PKIG: variants seen among roughly 807,000 people sequenced by gnomAD.
The protein encoded by PKIG is protein kinase (cAMP-dependent, catalytic) inhibitor gamma.
PKIG carries 1 observed loss-of-function variant against 6.8 expected under a neutral mutation model. That is an observed-to-expected ratio of 0.15 (90% CI 0.05 to 0.69). The LOEUF is 0.69. Among genes scored for constraint, PKIG ranks in the 30% least tolerant of loss-of-function variants. The probability of loss-of-function intolerance (pLI) is 0.82; values close to 1 mark genes in which losing one functional copy is unlikely to be tolerated. For missense variants in PKIG, 77 were observed against 104.0 expected (o/e 0.74, Z 1.13); for synonymous variants, 39 against 43.0 (o/e 0.91, Z 0.36).
intron 1 of PKIG, among the ~76,000 whole-genome samples, chr20:44,557,109 T>A (rs909362587): frequency 6.6e-6 from 1 of 152,228 alleles, no homozygotes; most frequent in Non-Finnish European, 1.5e-5. Flanking sequence ...TTTCAGTGTA[T>A]TTAGAGTAAT....
At chr20:44,586,578 C>G (rs2064991863) in intron 1 of PKIG, among the ~76,000 whole-genome samples, 1 of 152,214 alleles carries the variant, frequency 6.6e-6, no homozygotes, top group Non-Finnish European at 1.5e-5. Context: ...AAGGAAGAAG[C>G]TGGTAACAGG....
intron 1 of PKIG, among the ~76,000 whole-genome samples, chr20:44,558,590 C>CT (rs980001216): frequency 6.7e-6 from 1 of 148,916 alleles, no homozygotes; most frequent in Non-Finnish European, 1.5e-5. Context: ...TTCTTTCTTT[C>CT]TTTCTTTCTT....
At chr20:44,609,081 G>C (rs538881926) in intron 2 of PKIG, among the ~76,000 whole-genome samples, 63 of 152,302 alleles carry the variant, frequency 4.1e-4, no homozygotes, top group African/African-American at 1.5e-3. Flanking sequence ...AAAGATGAGA[G>C]GGTGAGTGAC....
At chr20:44,599,180 G>A (rs2123419292) in intron 2 of PKIG, among the ~76,000 whole-genome samples, 1 of 152,204 alleles carries the variant, frequency 6.6e-6, no homozygotes, top group South Asian at 2.1e-4. Flanking sequence ...GGGGGCAGGG[G>A]AAAAAGAAGG....
In PKIG at chr20:44,608,102, G is replaced by A. The variant is rs538607976; in HGVS notation, c.-23-6432G>A. On this transcript the variant is annotated intron_variant, in intron 2 of 3. Coordinates refer to ENST00000372886, the MANE Select transcript of PKIG (RefSeq NM_001281445.2). ...GGACACCAAAACGTGCTTGCCTTGGGGAGGGTGTCTGGATCGGATGGGAAG... is the reference window on the plus strand; with the variant it reads ...GGACACCAAAACGTGCTTGCCTTGGAGAGGGTGTCTGGATCGGATGGGAAG... 9.8e-5 allele frequency among the ~76,000 whole-genome samples: 15 copies of A among 152,302 alleles called. No individual in the cohort carries two copies. The South Asian group carries it at 3.1e-3, about 32-fold the overall frequency.
chr20:44,601,244 C>T (rs2123427373), intron 2 of PKIG, among the ~76,000 whole-genome samples: 2 of 152,356 alleles, frequency 1.3e-5, no homozygotes, highest in Middle Eastern at 6.8e-3. Flanking sequence ...GCATCCAGGC[C>T]TGCTTGGGTC....
At chr20:44,609,718 C>CT (rs2065196736) in intron 2 of PKIG, among the ~76,000 whole-genome samples, 1 of 152,186 alleles carries the variant, frequency 6.6e-6, no homozygotes, top group East Asian at 1.9e-4. Flanking sequence ...AGCTGACAGT[C>CT]TAACTGAGGA....
intron 2 of PKIG, among the ~76,000 whole-genome samples, chr20:44,606,198 T>C (rs2065162211): frequency 6.6e-6 from 1 of 152,030 alleles, no homozygotes; most frequent in Non-Finnish European, 1.5e-5. Flanking sequence ...CCATTAGAAG[T>C]GGGCAAAAGA....
chr20:44,618,416 AG>A lies in PKIG; in HGVS notation c.*57del, dbSNP rs763239141. 26 of 1,257,698 alleles carry A rather than the reference AG, an allele frequency of 2.1e-5. No homozygotes were observed. The South Asian group carries it at 2.7e-4, about 13-fold the overall frequency. 77.9% of individuals were successfully genotyped at this position (1,257,698 alleles called of 1,614,324 possible). A position where few individuals can be genotyped will look rare whatever the true frequency, so the allele number is the denominator to read the frequency against. On this transcript the variant is annotated 3_prime_UTR_variant, in exon 4 of 4. Transcript: ENST00000372886. ...CGAGAGACCTTCTGTCCCCTCCCAG[AG>A]GGGGAACCCTGGCACTGGCCCAGCA...
At chr20:44,612,141 G>C (rs766908569) in intron 2 of PKIG, among the ~76,000 whole-genome samples, 6 of 152,154 alleles carry the variant, frequency 3.9e-5, no homozygotes, top group Admixed American at 1.3e-4. Context: ...CTAGTAGTGG[G>C]ATTGTTGGGT....
chr20:44,534,420 T>C (rs967753047), intron 1 of PKIG, among the ~76,000 whole-genome samples: 1 of 151,924 alleles, frequency 6.6e-6, no homozygotes, highest in Non-Finnish European at 1.5e-5. Context: ...TGTCGGCAGA[T>C]AGCAGGCATT....
intron 2 of PKIG, among the ~76,000 whole-genome samples, chr20:44,610,858 G>A (rs2065212081): frequency 6.6e-6 from 1 of 151,744 alleles, no homozygotes; most frequent in South Asian, 2.1e-4. Flanking sequence ...GGCCCATCTG[G>A]CACATTTCTT....
chr20:44,573,732 G>C (rs1409337481), intron 1 of PKIG, among the ~76,000 whole-genome samples: 1 of 152,202 alleles, frequency 6.6e-6, no homozygotes, highest in Non-Finnish European at 1.5e-5. Flanking sequence ...TTGCAGGAGT[G>C]TTAGAAGGAT....
At chr20:44,586,880 G>T (rs944525351) in intron 1 of PKIG, among the ~76,000 whole-genome samples, 1 of 152,156 alleles carries the variant, frequency 6.6e-6, no homozygotes, top group African/African-American at 2.4e-5. Flanking sequence ...TAATGTATCC[G>T]CTCTTACTGG....
At chr20:44,560,350 T>C (rs1280142080) in intron 1 of PKIG, among the ~76,000 whole-genome samples, 2 of 152,228 alleles carry the variant, frequency 1.3e-5, no homozygotes, top group Non-Finnish European at 2.9e-5. Flanking sequence ...ATCTACAAAG[T>C]GAACTGGCTT....
intron 1 of PKIG, among the ~76,000 whole-genome samples, chr20:44,572,275 G>A (rs763299301): frequency 6.6e-6 from 1 of 152,084 alleles, no homozygotes; most frequent in Admixed American, 6.6e-5. Flanking sequence ...CAAAGTGCTG[G>A]GATTACAGGC....
At chr20:44,558,746 T>C (rs2064742065) in intron 1 of PKIG, among the ~76,000 whole-genome samples, 1 of 151,304 alleles carries the variant, frequency 6.6e-6, no homozygotes, top group South Asian at 2.1e-4. Flanking sequence ...TTCCTTCCTT[T>C]CTTTTCATTT....
At chr20:44,543,322 T>C (rs988301966) in intron 1 of PKIG, among the ~76,000 whole-genome samples, 5 of 152,164 alleles carry the variant, frequency 3.3e-5, no homozygotes, top group African/African-American at 1.2e-4. Context: ...TAAACTTTTT[T>C]TTTTTTTGCA....
Position 44,605,749 on chromosome 20 carries a change from TA to T in PKIG, c.-23-8775del, listed in dbSNP as rs777973990. Among the ~76,000 whole-genome samples the T allele has an allele frequency of 1.6e-4, 24 of 146,618 alleles. No homozygotes were observed. The East Asian group carries it at 1.8e-3, about 11-fold the overall frequency. On this transcript the variant is annotated intron_variant, in intron 2 of 3. Coordinates refer to ENST00000372886, the MANE Select transcript of PKIG (RefSeq NM_001281445.2). ...GGCAACATAGTGAGACCCCATCTCT[TA>T]AAAAAAAAAGAATTAGCTGGGCACA...
Sources: gnomAD v4.1 joint callset for allele counts (sites outside exome capture counted in the v4.1 genomes callset) on GRCh38, gnomAD v4.1.1 for gene constraint, MANE v1.5 for transcripts, NCBI Gene and HGNC (gene_info 2026-07-23, HGNC 2026-07-21) for gene names.